Variants in ARHGAP15 observed in about 807,000 individuals in gnomAD.
The protein encoded by ARHGAP15 is rho GTPase-activating protein 15.
In ARHGAP15, 51 loss-of-function variants were observed where a neutral mutation model predicts 63.7. The ratio of observed to expected loss-of-function variants is 0.80; its 90% CI spans 0.64 to 1.01. The LOEUF is 1.01. ARHGAP15 is among the 50% of genes least tolerant of loss of function. The probability of loss-of-function intolerance (pLI) is 0.00; values close to 1 mark genes in which losing one functional copy is unlikely to be tolerated. For synonymous variants in ARHGAP15, 191 were observed against 193.8 expected, an observed-to-expected ratio of 0.99 and a Z score of 0.12; for missense variants, 560 against 564.6, an observed-to-expected ratio of 0.99 and a Z score of 0.08.
At chr2:143,381,052 A>G (rs1410088744) in intron 6 of ARHGAP15, among the ~76,000 whole-genome samples, 1 of 152,184 alleles carries the variant, frequency 6.6e-6, no homozygotes, top group African/African-American at 2.4e-5. Context: ...TGTATTTTGA[A>G]AATACTTGAA....
chr2:143,242,597 G>T (rs903123020), intron 5 of ARHGAP15, among the ~76,000 whole-genome samples: 6 of 151,972 alleles, frequency 3.9e-5, no homozygotes, highest in Non-Finnish European at 7.4e-5. Flanking sequence ...CACTAACAAA[G>T]GTTTATTTTT....
intron 8 of ARHGAP15, among the ~76,000 whole-genome samples, chr2:143,456,681 G>A (rs1438434807): frequency 6.6e-6 from 1 of 151,804 alleles, no homozygotes; most frequent in African/African-American, 2.4e-5. Context: ...ATTTAGTTTT[G>A]GAGTCTAGAT....
intron 13 of ARHGAP15, among the ~76,000 whole-genome samples, chr2:143,758,237 C>T (rs552413241): frequency 1.3e-5 from 2 of 151,040 alleles, no homozygotes; most frequent in African/African-American, 4.9e-5. Context: ...TTTATTTCAT[C>T]TTTTCTAAAA....
intron 13 of ARHGAP15, among the ~76,000 whole-genome samples, chr2:143,725,276 A>G (rs1031694232): frequency 2.0e-4 from 30 of 152,192 alleles, no homozygotes; most frequent in Admixed American, 5.2e-4. Flanking sequence ...TACCTAGCCA[A>G]TAATCTCCAC....
At chr2:143,586,390 A>G (rs2105157612) in intron 11 of ARHGAP15, among the ~76,000 whole-genome samples, 1 of 151,700 alleles carries the variant, frequency 6.6e-6, no homozygotes, top group Non-Finnish European at 1.5e-5. Context: ...TCTTCAAGAG[A>G]ACTAGTCCTA....
Position 143,424,447 on chromosome 2 carries a change from T to G in ARHGAP15, c.475-11154T>G, listed in dbSNP as rs547459333. On this transcript the variant is annotated intron_variant, in intron 6 of 13. Transcript: ENST00000295095. ...GTGTCTGTAAGGGAGAAGAATCATG[T>G]CTTACAGGAAAATGTTTGGTAACAC... Among the ~76,000 whole-genome samples the G allele has an allele frequency of 3.3e-5, 5 of 152,208 alleles. No homozygotes were observed. The East Asian group carries it at 9.7e-4, about 29-fold the overall frequency.
chr2:143,669,344 T>G (rs1682397241), intron 12 of ARHGAP15, among the ~76,000 whole-genome samples: 1 of 152,208 alleles, frequency 6.6e-6, no homozygotes, highest in South Asian at 2.1e-4. Context: ...TTTTGAGGCA[T>G]AGTTGGACAT....
chr2:143,143,847 G>T lies in ARHGAP15; in HGVS notation c.-14-11630G>T, dbSNP rs568856606. Among the ~76,000 whole-genome samples, 25 of 151,868 alleles carry T rather than the reference G, an allele frequency of 1.6e-4. 1 individual carries two copies. The South Asian group carries it at 4.2e-3, about 25-fold the overall frequency. On this transcript the variant is annotated intron_variant, in intron 1 of 13. Transcript: ENST00000295095. ...TTGTGTCATGGGGGTTTGTTGTACA[G>T]ATTATTTAATCGCCCAGGTATTAAG... is the stretch of plus-strand genomic sequence containing the variant.
intron 10 of ARHGAP15, among the ~76,000 whole-genome samples, chr2:143,550,882 A>C (rs1284049089): frequency 6.6e-6 from 1 of 152,250 alleles, no homozygotes; most frequent in East Asian, 1.9e-4. Flanking sequence ...AAACAAACGC[A>C]TAAAGAATAA....
rs191886808 is a variant in ARHGAP15, at chr2:143,563,321, A to G, written c.1003+6836A>G. 2.0e-5 allele frequency among the ~76,000 whole-genome samples: 3 copies of G among 152,346 alleles called. No individual in the cohort carries two copies. The East Asian group carries it at 5.8e-4, about 29-fold the overall frequency. On this transcript the variant is annotated intron_variant, in intron 11 of 13. Transcript: ENST00000295095. Reference sequence around the variant, plus strand: ...GGTAATAGCATGATACCAAATATTTATAATCAAATATGGTTTTTGCCTTCT... The same window carrying G: ...GGTAATAGCATGATACCAAATATTTGTAATCAAATATGGTTTTTGCCTTCT...
chr2:143,192,695 G>T (rs1691728711), intron 2 of ARHGAP15, among the ~76,000 whole-genome samples: 1 of 152,156 alleles, frequency 6.6e-6, no homozygotes, highest in Admixed American at 6.5e-5. Context: ...TCCAGTCAGG[G>T]TTATTTCTGA....
intron 6 of ARHGAP15, among the ~76,000 whole-genome samples, chr2:143,298,948 G>A (rs937984988): frequency 6.6e-5 from 10 of 151,860 alleles, no homozygotes; most frequent in South Asian, 2.1e-4. Flanking sequence ...TCAGGGTCAC[G>A]TAATGCATGT....
chr2:143,728,139 G>T (rs1685366980), intron 13 of ARHGAP15, among the ~76,000 whole-genome samples: 1 of 152,168 alleles, frequency 6.6e-6, no homozygotes, highest in African/African-American at 2.4e-5. Context: ...GAAGTCCAAG[G>T]TCAAGATATC....
chr2:143,602,742 A>T (rs986758833), intron 11 of ARHGAP15, among the ~76,000 whole-genome samples: 1 of 152,210 alleles, frequency 6.6e-6, no homozygotes, highest in Admixed American at 6.5e-5. Flanking sequence ...AAGCAATATC[A>T]CTGGAAATTC....
chr2:143,231,931 A>G (rs146124337), intron 5 of ARHGAP15, among the ~76,000 whole-genome samples: 259 of 152,272 alleles, frequency 1.7e-3, no homozygotes, highest in African/African-American at 6.1e-3. Context: ...TGAGGGCTCC[A>G]CCTTTATGAT....
At chr2:143,598,732 C>G (rs993618830) in intron 11 of ARHGAP15, among the ~76,000 whole-genome samples, 1 of 151,912 alleles carries the variant, frequency 6.6e-6, no homozygotes, top group Non-Finnish European at 1.5e-5. Context: ...AAAGCAAAAC[C>G]CCCATCTCCG....
intron 11 of ARHGAP15, among the ~76,000 whole-genome samples, chr2:143,594,078 ATGTGTGTGCG>A (rs1334611417): frequency 6.6e-6 from 1 of 152,114 alleles, no homozygotes; most frequent in Non-Finnish European, 1.5e-5. Context: ...ATGTGTGTGC[ATGTGTGTGCG>A]TGTGTAGATG....
chr2:143,289,080 G>A (rs1203207954), intron 6 of ARHGAP15, among the ~76,000 whole-genome samples: 1 of 152,102 alleles, frequency 6.6e-6, no homozygotes, highest in African/African-American at 2.4e-5. Flanking sequence ...GCTCTGGAGA[G>A]TTCAGGAGAG....
intron 11 of ARHGAP15, among the ~76,000 whole-genome samples, chr2:143,562,119 AACT>A (rs1474431673): frequency 2.0e-5 from 3 of 152,232 alleles, no homozygotes; most frequent in African/African-American, 7.2e-5. Context: ...ATTAAAAACA[AACT>A]ATTAGAAAAA....
Sources: allele counts gnomAD v4.1 joint callset (sites outside exome capture counted in the v4.1 genomes callset), GRCh38; gene constraint gnomAD v4.1.1; transcripts MANE v1.5; gene names NCBI Gene and HGNC (gene_info 2026-07-23, HGNC 2026-07-21).